The following CCDC146 variants were observed in gnomAD, a reference collection of about 807,000 sequenced individuals.
CCDC146 encodes coiled-coil domain containing 146.
Under a neutral mutation model 119.3 loss-of-function variants are expected in CCDC146, and 92 were observed. That is an observed-to-expected ratio of 0.77 (90% CI 0.65 to 0.92). CCDC146 has a LOEUF of 0.92. Ranked by LOEUF, CCDC146 falls within the 40% of genes least tolerant of loss-of-function variation. The pLI is 0.00. For synonymous variants in CCDC146, 372 were observed against 371.8 expected (o/e 1.00, Z -0.01); for missense variants, 1,000 against 1,103.0 (o/e 0.91, Z 1.32).
At chr7:77,235,845 G>A (rs1247470470) in intron 2 of CCDC146, among the ~76,000 whole-genome samples, 1 of 152,072 alleles carries the variant, frequency 6.6e-6, no homozygotes, top group African/African-American at 2.4e-5. Context: ...CAAGGTGGGT[G>A]GATCACCTGA....
In CCDC146 at chr7:77,139,189, G is replaced by T. The variant is rs1226223839; in HGVS notation, c.-12+16457G>T. Reference sequence around the variant, plus strand: ...ATATTATTCAGCAATAAAAAGAAATGAGCTGTCAAGCCATAAAAAGACATG... The same window carrying T: ...ATATTATTCAGCAATAAAAAGAAATTAGCTGTCAAGCCATAAAAAGACATG... On this transcript the variant is annotated intron_variant, in intron 1 of 18. Coordinates refer to ENST00000285871, the MANE Select transcript of CCDC146 (RefSeq NM_020879.3). 2.6e-5 allele frequency among the ~76,000 whole-genome samples: 4 copies of T among 152,158 alleles called. No homozygotes were observed. The East Asian group carries it at 7.7e-4, about 29-fold the overall frequency.
At chr7:77,185,066 G>A (rs1053511810) in intron 2 of CCDC146, among the ~76,000 whole-genome samples, 2 of 151,978 alleles carry the variant, frequency 1.3e-5, no homozygotes, top group African/African-American at 4.8e-5. Context: ...GTGAAAAACA[G>A]TTTGTAGATA....
chr7:77,132,755 C>CAAAT (rs771850075), intron 1 of CCDC146, among the ~76,000 whole-genome samples: 3 of 150,662 alleles, frequency 2.0e-5, no homozygotes, highest in South Asian at 2.1e-4. Flanking sequence ...AGTAAATAAA[C>CAAAT]AAATAAATAA....
chr7:77,245,228 T>C (rs1175780081), intron 4 of CCDC146, among the ~76,000 whole-genome samples: 5 of 152,228 alleles, frequency 3.3e-5, no homozygotes, highest in Non-Finnish European at 7.3e-5. Context: ...GGAAATAATA[T>C]GTAATCTATT....
At chr7:77,290,420 G>A (rs7779442) in intron 17 of CCDC146, among the ~76,000 whole-genome samples, 36,525 of 152,004 alleles carry the variant, frequency 0.24, 5,192 homozygotes, top group African/African-American at 0.39. Context: ...AAAGTGTGCC[G>A]TGGTTGAGTG....
Position 77,293,152 on chromosome 7 carries a change from C to T in CCDC146, c.2616C>T (p.Val872=), listed in dbSNP as rs758404794. 2 of 1,614,112 alleles carry T rather than the reference C, an allele frequency of 1.2e-6. No homozygotes were observed. The highest frequency in any genetic ancestry group is 1.7e-6 in the Non-Finnish European group (2 of 1,180,022). Residue 872 remains valine (V), a synonymous_variant, in exon 18 of 19, where the codon GTC becomes GTT. Coordinates refer to ENST00000285871, the MANE Select transcript of CCDC146 (RefSeq NM_020879.3). ...AAATTGAGAAAGAATGGTTGAAAGTCCTTCGAGATGAAGAAATGCACGCCT... is the reference window on the plus strand; with the variant it reads ...AAATTGAGAAAGAATGGTTGAAAGTTCTTCGAGATGAAGAAATGCACGCCT... ...NKEIEKEWLK[V]LRDEEMHALA...
rs910109256 is a variant in CCDC146, at chr7:77,271,195, G to A, written c.1174-2499G>A. On this transcript the variant is annotated intron_variant, in intron 9 of 18. Coordinates refer to ENST00000285871, the MANE Select transcript of CCDC146 (RefSeq NM_020879.3). ...AGGAGATGAACCTTTGAGTCAGTGG[G>A]CTGGGGAAAGCAGACCCACCCTTAA... Among the ~76,000 whole-genome samples the A allele has an allele frequency of 2.6e-5, 4 of 152,076 alleles. No individual in the cohort carries two copies. In the East Asian group the frequency reaches 5.8e-4, roughly 22 times the overall value.
In CCDC146 at chr7:77,282,554, T is replaced by C. The variant is rs1793783303; in HGVS notation, c.1920-3T>C. On this transcript the variant is annotated splice_region_variant and splice_polypyrimidine_tract_variant and intron_variant, in intron 14 of 18. Coordinates refer to ENST00000285871, the MANE Select transcript of CCDC146 (RefSeq NM_020879.3). ...TAGCCTCTGCCTCTGAATTTGACCA[T>C]AGTGGCGTTCAGCTGATAGAGCGGG... 6.3e-7 allele frequency: 1 copy of C among 1,593,464 alleles called. No individual in the cohort carries two copies. Among genetic ancestry groups the C allele is most frequent in the African/African-American group, 1.3e-5 (1 of 74,094 alleles).
intron 1 of CCDC146, among the ~76,000 whole-genome samples, chr7:77,140,847 G>A (rs907404205): frequency 1.3e-5 from 2 of 151,838 alleles, no homozygotes; most frequent in African/African-American, 2.4e-5. Context: ...TTGATATATC[G>A]ATATCACATT....
chr7:77,250,448 A>G (rs1793035591), intron 4 of CCDC146, among the ~76,000 whole-genome samples: 5 of 152,240 alleles, frequency 3.3e-5, no homozygotes, highest in Admixed American at 3.3e-4. Flanking sequence ...TTCACAAGGT[A>G]CAGAGCTTTA....
rs1018012696 is a variant in CCDC146, at chr7:77,286,794, A to G, written c.2149-4A>G. The stretch of plus-strand genomic sequence containing the variant: ...TTTTAAAGTTAATGTTTTTTTCTTA[A>G]TAGTTTTCACAGTGTACAGACAGAA... On this transcript the variant is annotated splice_region_variant and splice_polypyrimidine_tract_variant and intron_variant, in intron 15 of 18. Coordinates refer to ENST00000285871, the MANE Select transcript of CCDC146 (RefSeq NM_020879.3). The G allele has an allele frequency of 2.5e-6, 4 of 1,611,946 alleles. No homozygotes were observed. In the African/African-American group the frequency reaches 5.4e-5, roughly 22 times the overall value.
At chr7:77,213,872 G>T (rs1792250081) in intron 2 of CCDC146, among the ~76,000 whole-genome samples, 1 of 152,146 alleles carries the variant, frequency 6.6e-6, no homozygotes, top group South Asian at 2.1e-4. Flanking sequence ...AATCCTAATG[G>T]ATGGACACTT....
chr7:77,129,847 C>T (rs1013826871), intron 1 of CCDC146, among the ~76,000 whole-genome samples: 2 of 152,130 alleles, frequency 1.3e-5, no homozygotes, highest in East Asian at 3.8e-4. Context: ...ATTCTTCAAA[C>T]ATATTTATAA....
chr7:77,136,524 GA>G (rs1443314171), intron 1 of CCDC146, among the ~76,000 whole-genome samples: 2 of 152,058 alleles, frequency 1.3e-5, no homozygotes, highest in African/African-American at 4.8e-5. Context: ...TGATAACTTA[GA>G]AAAAATGGAC....
intron 2 of CCDC146, among the ~76,000 whole-genome samples, chr7:77,208,262 A>G (rs576836566): frequency 1.3e-5 from 2 of 152,234 alleles, no homozygotes; most frequent in Admixed American, 6.5e-5. Flanking sequence ...TCATGAGTCT[A>G]TTAATGACAG....
intron 2 of CCDC146, among the ~76,000 whole-genome samples, chr7:77,189,046 C>G (rs1791716324): frequency 6.6e-6 from 1 of 152,144 alleles, no homozygotes; most frequent in African/African-American, 2.4e-5. Flanking sequence ...CCATGGGATT[C>G]CACATTTCTC....
intron 9 of CCDC146, among the ~76,000 whole-genome samples, chr7:77,267,857 G>T (rs895709335): frequency 6.6e-6 from 1 of 152,062 alleles, no homozygotes; most frequent in Non-Finnish European, 1.5e-5. Flanking sequence ...AAACACATTT[G>T]ATGGCCTATT....
In CCDC146 at chr7:77,295,011, T is replaced by C. The variant is rs1356267128; in HGVS notation, c.*145T>C. On this transcript the variant is annotated 3_prime_UTR_variant, in exon 19 of 19. Coordinates refer to ENST00000285871, the MANE Select transcript of CCDC146 (RefSeq NM_020879.3). ...TAGTCAGCAACAGAGTACAACAGGG[T>C]TTCTATTTACCCACCAACTACTATA... is the stretch of plus-strand genomic sequence containing the variant. The C allele has an allele frequency of 3.8e-5, 25 of 656,560 alleles. No individual in the cohort carries two copies. Among genetic ancestry groups the C allele is most frequent in the Non-Finnish European group, 6.2e-5 (24 of 387,480 alleles). The allele number at this position is 656,560 out of a possible 1,614,324, so 40.7% of individuals were successfully genotyped here. A position where few individuals can be genotyped will look rare whatever the true frequency, so the allele number is the denominator to read the frequency against.
rs1165905749 is a variant in CCDC146, at chr7:77,278,732, CA to C, written c.1441-19del. On this transcript the variant is annotated intron_variant, in intron 11 of 18. Transcript: ENST00000285871. ...TGTTCATATGTTGTTATTTATTTCA[CA>C]TTTTTTTGTACATTTCAGCAAAAAT... is the stretch of plus-strand genomic sequence containing the variant. 10 of 1,542,644 alleles carry C rather than the reference CA, an allele frequency of 6.5e-6. No homozygotes were observed. Among genetic ancestry groups the C allele is most frequent in the Non-Finnish European group, 8.9e-6 (10 of 1,119,624 alleles).
Sources: allele counts gnomAD v4.1 joint callset (sites outside exome capture counted in the v4.1 genomes callset), GRCh38; gene constraint gnomAD v4.1.1; transcripts MANE v1.5; gene names NCBI Gene and HGNC (gene_info 2026-07-23, HGNC 2026-07-21).